Variants in ZNF366 observed in about 807,000 individuals in gnomAD.
The protein encoded by ZNF366 is zinc finger protein 366, also known as dendritic cell-specific transcript protein.
ZNF366 carries 20 observed loss-of-function variants against 47.2 expected under a neutral mutation model. That is an observed-to-expected ratio of 0.42 (90% CI 0.30 to 0.62). ZNF366 has a LOEUF of 0.62. ZNF366 is among the 20% of genes least tolerant of loss of function. The pLI, the probability that ZNF366 is intolerant of heterozygous loss-of-function variation, is 0.16. For synonymous variants in ZNF366, 421 were observed against 395.1 expected, an observed-to-expected ratio of 1.07 and a Z score of -0.78; for missense variants, 987 against 976.3, an observed-to-expected ratio of 1.01 and a Z score of -0.15.
chr5:72,472,553 T>C (rs1319159528), intron 1 of ZNF366: 11 of 985,288 alleles, frequency 1.1e-5, no homozygotes, highest in African/African-American at 3.5e-5. Context: ...TTCAATTAAC[T>C]GCATTAAGAA....
intron 1 of ZNF366, among the ~76,000 whole-genome samples, chr5:72,463,103 C>A (rs1743360906): frequency 6.6e-6 from 1 of 152,194 alleles, no homozygotes; most frequent in South Asian, 2.1e-4. Flanking sequence ...TGTCTACAAA[C>A]AAGGCAATAT....
chr5:72,498,248 T>C (rs991571493), intron 1 of ZNF366, among the ~76,000 whole-genome samples: 5 of 152,240 alleles, frequency 3.3e-5, no homozygotes, highest in African/African-American at 4.8e-5. Context: ...CTGGAATTTA[T>C]TTTAATTTAA....
rs754389356 is a variant in ZNF366 at position 72,444,083 on chromosome 5, G to A, written c.1908C>T (p.Ala636=). 3 of 1,614,152 alleles carry A rather than the reference G, an allele frequency of 1.9e-6. No individual in the cohort carries two copies. Among genetic ancestry groups the A allele is most frequent in the Admixed American group, 1.7e-5 (1 of 60,030 alleles). Residue 636 remains alanine (A), a synonymous_variant, in exon 5 of 5, where the codon GCC becomes GCT. Coordinates refer to ENST00000318442, the MANE Select transcript of ZNF366 (RefSeq NM_152625.3). ...YEVEPYSPGL[A]PQSQQLCTPE... ...GTGTGCAGAGCTGCTGGCTCTGGGG[G>A]GCCAGGCCAGGGCTGTAGGGCTCCA...
chr5:72,500,393 A>G (rs1429089642), intron 1 of ZNF366, among the ~76,000 whole-genome samples: 1 of 152,118 alleles, frequency 6.6e-6, no homozygotes, highest in African/African-American at 2.4e-5. Context: ...TAATAAGCAG[A>G]GCCTTGGTCC....
rs1357065343 is a variant in ZNF366, at chr5:72,493,889, G to A, written c.-15+13362C>T. Among the ~76,000 whole-genome samples, 5 of 145,816 alleles carry A rather than the reference G, an allele frequency of 3.4e-5. No individual in the cohort carries two copies. The Admixed American group carries it at 3.5e-4, about 10-fold the overall frequency. On this transcript the variant is annotated intron_variant, in intron 1 of 4. Coordinates refer to ENST00000318442, the MANE Select transcript of ZNF366 (RefSeq NM_152625.3). ...TCTGCCTCAGCCTCCCAAGTAGTTGGGATTACAGGCGTGAGCCACCATGCC... is the reference window on the plus strand; with the variant it reads ...TCTGCCTCAGCCTCCCAAGTAGTTGAGATTACAGGCGTGAGCCACCATGCC...
intron 1 of ZNF366, among the ~76,000 whole-genome samples, chr5:72,505,928 C>T (rs531861259): frequency 6.6e-6 from 1 of 152,266 alleles, no homozygotes; most frequent in East Asian, 1.9e-4. Flanking sequence ...TTTTATGATG[C>T]TCCTAAAGAA....
rs150632586 is a variant in ZNF366 at position 72,444,156 on chromosome 5, T to C, written c.1835A>G (p.Gln612Arg). 1.2e-6 allele frequency: 2 copies of C among 1,613,524 alleles called. No individual in the cohort carries two copies. Among genetic ancestry groups the C allele is most frequent in the African/African-American group, 2.7e-5 (2 of 74,922 alleles). The change falls in exon 5 of 5, where the codon CAG becomes CGG. Residue 612 changes from glutamine to arginine, a missense_variant. By Grantham distance (43) the Gln-to-Arg change is conservative. Around this residue, in one of 3 missense-constraint regions of ZNF366, gnomAD observed 285 missense variants for 234.8 expected, o/e 1.21. Coordinates refer to ENST00000318442, the MANE Select transcript of ZNF366 (RefSeq NM_152625.3). The part of the protein sequence containing the change: ...PVFQSDGESA[Q>R]GSHCHEEEEE... ...TTCCTCCTCGTGGCAGTGGCTGCCC[T>C]GGGCACTCTCCCCGTCTGACTGGAA...
rs192020285 is a variant in ZNF366 at position 72,492,450 on chromosome 5, G to A, written c.-15+14801C>T. Reference sequence around the variant, plus strand: ...ATTTTTTCTTCATTGGCCCATGTGCGAAATACCTTTGTTAAACAATAAACA... The same window carrying A: ...ATTTTTTCTTCATTGGCCCATGTGCAAAATACCTTTGTTAAACAATAAACA... On this transcript the variant is annotated intron_variant, in intron 1 of 4. Transcript: ENST00000318442. Among the ~76,000 whole-genome samples the A allele has an allele frequency of 2.2e-3, 329 of 152,190 alleles. 1 individual carries two copies. Among genetic ancestry groups the A allele is most frequent in the Middle Eastern group, 6.8e-3 (2 of 292 alleles).
At position 72,487,304 on chromosome 5, in the gene ZNF366, C is replaced by T. The variant is rs186826531; in HGVS notation, c.-15+19947G>A. Among the ~76,000 whole-genome samples the T allele has an allele frequency of 6.8e-4, 103 of 152,306 alleles. No individual in the cohort carries two copies. The Middle Eastern group carries it at 0.01, about 15-fold the overall frequency. ...AGGCTGAGCAGTGCTTGAGCTCGTGCTTTATGGATTGGACCCCAGCAAGGT... is the reference window on the plus strand; with the variant it reads ...AGGCTGAGCAGTGCTTGAGCTCGTGTTTTATGGATTGGACCCCAGCAAGGT... On this transcript the variant is annotated intron_variant, in intron 1 of 4. Coordinates refer to ENST00000318442, the MANE Select transcript of ZNF366 (RefSeq NM_152625.3).
intron 1 of ZNF366, among the ~76,000 whole-genome samples, chr5:72,483,735 G>A (rs1743833428): frequency 6.6e-6 from 1 of 152,168 alleles, no homozygotes; most frequent in Non-Finnish European, 1.5e-5. Context: ...GAACAAAGTT[G>A]TGTTACTACT....
intron 3 of ZNF366, among the ~76,000 whole-genome samples, chr5:72,453,705 AAG>A (rs1743124241): frequency 3.3e-5 from 5 of 152,220 alleles, no homozygotes; most frequent in Admixed American, 3.3e-4. Context: ...CAATGGTACA[AAG>A]AGGGCACCCA....
At chr5:72,500,384 A>G (rs1194835656) in intron 1 of ZNF366, among the ~76,000 whole-genome samples, 1 of 152,182 alleles carries the variant, frequency 6.6e-6, no homozygotes, top group African/African-American at 2.4e-5. Context: ...CAGCTTGAAT[A>G]ATAAGCAGAG....
intron 1 of ZNF366, among the ~76,000 whole-genome samples, chr5:72,480,529 C>T (rs986016795): frequency 2.0e-5 from 3 of 152,064 alleles, no homozygotes; most frequent in Non-Finnish European, 4.4e-5. Flanking sequence ...TGATTTATCA[C>T]TAACCTTCTC....
At chr5:72,496,189 T>A (rs1209774272) in intron 1 of ZNF366, among the ~76,000 whole-genome samples, 1 of 152,112 alleles carries the variant, frequency 6.6e-6, no homozygotes, top group Non-Finnish European at 1.5e-5. Context: ...TTTTAGAAAA[T>A]TTATACAGTT....
chr5:72,453,040 A>G (rs557504892), intron 3 of ZNF366, among the ~76,000 whole-genome samples: 4 of 152,352 alleles, frequency 2.6e-5, no homozygotes, highest in Non-Finnish European at 5.9e-5. Context: ...AAGAAAAGAA[A>G]CATGGAATGG....
At chr5:72,470,379 CAGG>C (rs1398791694) in intron 1 of ZNF366, among the ~76,000 whole-genome samples, 3 of 152,170 alleles carry the variant, frequency 2.0e-5, no homozygotes, top group African/African-American at 4.8e-5. Flanking sequence ...TTCTGCAGGG[CAGG>C]AGGAGGAGAG....
rs760455818 is a variant in ZNF366, at chr5:72,460,421, T to C, written c.1076A>G (p.His359Arg). ...PSELKAHEAK[H>R]ASGRENICVE... ...ACAGATGTTCTCGCGCCCACTGGCGTGCTTGGCTTCGTGGGCCTTGAGCTC... is the reference window on the plus strand; with the variant it reads ...ACAGATGTTCTCGCGCCCACTGGCGCGCTTGGCTTCGTGGGCCTTGAGCTC... The change falls in exon 2 of 5, where the codon CAC becomes CGC. Residue 359 changes from histidine (H) to arginine (R), a missense_variant. This residue lies in a region of ZNF366 where 591 missense variants were observed against 560.9 expected (regional missense o/e 1.05). Coordinates refer to ENST00000318442, the MANE Select transcript of ZNF366 (RefSeq NM_152625.3). The C allele has an allele frequency of 1.2e-6, 2 of 1,614,060 alleles. No individual in the cohort carries two copies.
Position 72,460,571 on chromosome 5 carries a change from T to C in ZNF366, c.926A>G (p.His309Arg), listed in dbSNP as rs1447862945. ...HMLTHQGTRP[H>R]KCQVCHKAFT... is the part of the protein sequence containing the mutation. ...GGCCTTGTGGCACACCTGGCACTTG[T>C]GGGGCCGCGTGCCCTGGTGGGTCAG... Residue 309 changes from histidine to arginine, a missense_variant, in exon 2 of 5, where the codon CAC (histidine) becomes CGC (arginine). Transcript: ENST00000318442. 1.9e-6 allele frequency: 3 copies of C among 1,614,116 alleles called. No individual in the cohort carries two copies. Among genetic ancestry groups the C allele is most frequent in the South Asian group, 1.1e-5 (1 of 91,082 alleles).
chr5:72,496,520 T>A (rs1367082916), intron 1 of ZNF366, among the ~76,000 whole-genome samples: 1 of 152,226 alleles, frequency 6.6e-6, no homozygotes, highest in Non-Finnish European at 1.5e-5. Flanking sequence ...AACCAGCTTT[T>A]GCTTATCCAC....
Sources: allele counts gnomAD v4.1 joint callset (sites outside exome capture counted in the v4.1 genomes callset), GRCh38; gene constraint gnomAD v4.1.1; regional missense constraint gnomAD v4.1.1; transcripts MANE v1.5; gene names NCBI Gene and HGNC (gene_info 2026-07-23, HGNC 2026-07-21).